TRIM2: variants seen among roughly 807,000 people sequenced by gnomAD.
TRIM2 encodes the protein tripartite motif containing 2.
A neutral mutation model predicts 75.2 loss-of-function variants in TRIM2; 20 were observed. That is an observed-to-expected ratio of 0.27 (90% CI 0.19 to 0.39). TRIM2 has a LOEUF of 0.39. TRIM2 is among the 10% of genes least tolerant of loss of function. The pLI, the probability that TRIM2 is intolerant of heterozygous loss-of-function variation, is 1.00. For missense variants in TRIM2, 660 were observed against 990.8 expected, an observed-to-expected ratio of 0.67 and a Z score of 4.48; for synonymous variants, 373 against 388.3, an observed-to-expected ratio of 0.96 and a Z score of 0.46.
At position 153,276,128 on chromosome 4, in the gene TRIM2, A is replaced by G; in HGVS notation, c.451A>G (p.Asn151Asp). 2.5e-6 allele frequency: 4 copies of G among 1,613,662 alleles called. No individual in the cohort carries two copies. Among genetic ancestry groups the G allele is most frequent in the Non-Finnish European group, 3.4e-6 (4 of 1,179,586 alleles). ...KPLSCPNHDG[N>D]VMEFYCQSCE... ...TCTCTCTTGCCCAAACCACGATGGG[A>G]ATGTAAGTGGCTGGGATGGCAGATA... The change falls in exon 3 of 12, where the codon AAT becomes GAT. Residue 151 changes from asparagine to aspartate, a missense_variant and splice_region_variant. Transcript: ENST00000338700.
At chr4:153,226,052 G>T (rs2149783380) in intron 1 of TRIM2, among the ~76,000 whole-genome samples, 1 of 152,156 alleles carries the variant, frequency 6.6e-6, no homozygotes, top group East Asian at 1.9e-4. Context: ...TAAATTTTTT[G>T]TAGAGACAGT....
chr4:153,208,799 G>A (rs1169700277), intron 1 of TRIM2, among the ~76,000 whole-genome samples: 4 of 152,098 alleles, frequency 2.6e-5, no homozygotes, highest in African/African-American at 2.4e-5. Context: ...CATCCATCCC[G>A]ATGGAGGTTT....
Position 153,295,846 on chromosome 4 carries a change from A to G in TRIM2, c.1320A>G (p.Arg440=), listed in dbSNP as rs750466896. 6.8e-6 allele frequency: 11 copies of G among 1,614,112 alleles called. No individual in the cohort carries two copies. The highest frequency in any genetic ancestry group is 3.3e-4 in the Middle Eastern group (2 of 6,062). Reference sequence around the variant, plus strand: ...TGAGACTCTATGACCAGCACATCCGAGGCAGCCCGTTTAAGCTGAAAGTGA... The same window carrying G: ...TGAGACTCTATGACCAGCACATCCGGGGCAGCCCGTTTAAGCTGAAAGTGA... The part of the protein sequence containing the change: ...LSLRLYDQHI[R]GSPFKLKVIR... Residue 440 remains arginine (R), a synonymous_variant, in exon 6 of 12, where the codon CGA becomes CGG. Transcript: ENST00000338700. The surrounding 1 kb of genome is among the most constrained non-coding windows in gnomAD (Gnocchi z 7.2).
At chr4:153,240,418 A>G (rs553881263) in intron 1 of TRIM2, among the ~76,000 whole-genome samples, 83 of 152,356 alleles carry the variant, frequency 5.4e-4, no homozygotes, top group African/African-American at 1.9e-3. Flanking sequence ...CACAGTTTAT[A>G]CTACATATTT....
At chr4:153,310,532 G>A (rs942240600) in intron 6 of TRIM2, among the ~76,000 whole-genome samples, 2 of 152,198 alleles carry the variant, frequency 1.3e-5, no homozygotes, top group Non-Finnish European at 2.9e-5. Flanking sequence ...TAGTTTAACT[G>A]TTGGTGAAAA....
chr4:153,277,250 T>C (rs939313869), intron 3 of TRIM2, among the ~76,000 whole-genome samples: 1 of 152,216 alleles, frequency 6.6e-6, no homozygotes, highest in Admixed American at 6.5e-5. Flanking sequence ...TTCCTCTTTA[T>C]GTGGCGAGCT....
rs149738413 is a variant in TRIM2, at chr4:153,264,858, G to A, written c.31-5477G>A. Among the ~76,000 whole-genome samples the A allele has an allele frequency of 9.9e-4, 150 of 152,230 alleles. 2 individuals carry two copies. The highest frequency in any genetic ancestry group is 3.3e-3 in the African/African-American group (139 of 41,524). ...TTGGGGATTGGAAACCTTTTGTGTC[G>A]ATTCTTGGAGTTCTAAAAATCCAGA... On this transcript the variant is annotated intron_variant, in intron 1 of 11. Transcript: ENST00000338700.
chr4:153,173,260 C>A (rs572033830), intron 1 of TRIM2, among the ~76,000 whole-genome samples: 1 of 152,326 alleles, frequency 6.6e-6, no homozygotes, highest in South Asian at 2.1e-4. Flanking sequence ...CATGGAGTGG[C>A]TCACGCCTGT....
intron 1 of TRIM2, among the ~76,000 whole-genome samples, chr4:153,218,769 G>T (rs1473786444): frequency 6.6e-6 from 1 of 152,128 alleles, no homozygotes; most frequent in African/African-American, 2.4e-5. Context: ...CAACTAGTAA[G>T]GGAGTTACTG....
intron 1 of TRIM2, among the ~76,000 whole-genome samples, chr4:153,255,145 A>G (rs1751763756): frequency 6.6e-6 from 1 of 152,036 alleles, no homozygotes; most frequent in Non-Finnish European, 1.5e-5. Context: ...CATCTCCCAC[A>G]CTAGATTGTG....
intron 6 of TRIM2, among the ~76,000 whole-genome samples, chr4:153,303,301 T>TA (rs879307633): frequency 2.2e-3 from 277 of 125,860 alleles, no homozygotes; most frequent in African/African-American, 6.4e-3. Flanking sequence ...CCATCTCTAC[T>TA]AAAAAAAAAA....
chr4:153,173,992 A>G (rs1731148342), intron 1 of TRIM2, among the ~76,000 whole-genome samples: 1 of 151,614 alleles, frequency 6.6e-6, no homozygotes, highest in Non-Finnish European at 1.5e-5. Context: ...TAATAAATAC[A>G]TAAAAACAAA....
intron 1 of TRIM2, chr4:153,257,632 T>C (rs1007735651): frequency 7.9e-7 from 1 of 1,265,422 alleles, no homozygotes; most frequent in Non-Finnish European, 1.0e-6. Flanking sequence ...CCAGTCTCTT[T>C]GCATGGTGCT....
chr4:153,172,434 G>A (rs1292132435), intron 1 of TRIM2, among the ~76,000 whole-genome samples: 6 of 152,112 alleles, frequency 3.9e-5, no homozygotes, highest in South Asian at 2.1e-4. Context: ...TGATCCGCCC[G>A]CCTTGGCCTC....
intron 1 of TRIM2, among the ~76,000 whole-genome samples, chr4:153,263,404 G>A (rs1161327706): frequency 1.3e-5 from 2 of 152,178 alleles, no homozygotes; most frequent in South Asian, 2.1e-4. Flanking sequence ...TCAGATGACC[G>A]GCAACAACCA....
In TRIM2 at chr4:153,334,825, G is replaced by T. The variant is rs1772259339; in HGVS notation, c.2175G>T (p.Gly725=). Residue 725 remains glycine, a synonymous_variant, in exon 12 of 12, where the codon GGG becomes GGT. Coordinates refer to ENST00000338700, the MANE Select transcript of TRIM2 (RefSeq NM_015271.5). ...CTATTTGTTTACAGGTTTTTGATGGGAGTGGATCATTTTTGTCCTACATTA... is the reference window on the plus strand; with the variant it reads ...CTATTTGTTTACAGGTTTTTGATGGTAGTGGATCATTTTTGTCCTACATTA... ...WGNSRIQVFD[G]SGSFLSYINT... The T allele has an allele frequency of 6.2e-7, 1 of 1,611,580 alleles. No individual in the cohort carries two copies. The highest frequency in any genetic ancestry group is 8.5e-7 in the Non-Finnish European group (1 of 1,178,532).
chr4:153,195,196 C>T (rs935425827), intron 1 of TRIM2, among the ~76,000 whole-genome samples: 4 of 152,126 alleles, frequency 2.6e-5, no homozygotes, highest in South Asian at 2.1e-4. Context: ...GAGACAGAGA[C>T]GGGAGTTCCT....
At chr4:153,191,043 C>G (rs897840720) in intron 1 of TRIM2, among the ~76,000 whole-genome samples, 2 of 152,138 alleles carry the variant, frequency 1.3e-5, no homozygotes, top group African/African-American at 4.8e-5. Context: ...GCCTGGAATG[C>G]TATTCTTTTT....
intron 6 of TRIM2, among the ~76,000 whole-genome samples, chr4:153,313,527 G>A (rs1045207337): frequency 6.6e-6 from 1 of 151,814 alleles, no homozygotes; most frequent in African/African-American, 2.4e-5. Context: ...TTCCCAAACA[G>A]TGCTTAAGCA....
Sources: allele counts gnomAD v4.1 joint callset (sites outside exome capture counted in the v4.1 genomes callset), GRCh38; gene constraint gnomAD v4.1.1; non-coding constraint Gnocchi (gnomAD v3.1); transcripts MANE v1.5; gene names NCBI Gene and HGNC (gene_info 2026-07-23, HGNC 2026-07-21).